SOX5: variants seen among roughly 807,000 people sequenced by gnomAD.
The protein encoded by SOX5 is transcription factor SOX-5.
In SOX5, 9 loss-of-function variants were observed where a neutral mutation model predicts 92.0. That is an observed-to-expected ratio of 0.10 (90% confidence interval 0.06 to 0.17). SOX5 has a LOEUF of 0.17. SOX5 is among the 10% of genes least tolerant of loss of function. The pLI, the probability that SOX5 is intolerant of heterozygous loss-of-function variation, is 1.00. For missense variants in SOX5, 642 were observed against 944.5 expected (o/e 0.68, Z 4.20); for synonymous variants, 344 against 336.3 (o/e 1.02, Z -0.25).
intron 4 of SOX5, among the ~76,000 whole-genome samples, chr12:24,054,005 T>A (rs1442093595): frequency 6.6e-6 from 1 of 152,220 alleles, no homozygotes; most frequent in Non-Finnish European, 1.5e-5. Context: ...CTCTGAGGCC[T>A]GTGTTCTTTC....
At chr12:23,759,147 A>C (rs1174813108) in intron 3 of SOX5, among the ~76,000 whole-genome samples, 1 of 151,902 alleles carries the variant, frequency 6.6e-6, no homozygotes. Flanking sequence ...GATGAAGTAA[A>C]AACTTGATAA....
intron 3 of SOX5, among the ~76,000 whole-genome samples, chr12:24,224,148 G>A (rs1055745332): frequency 3.9e-4 from 59 of 152,248 alleles, no homozygotes; most frequent in African/African-American, 1.4e-3. Context: ...GATTGAGCCC[G>A]GCAACCCAGG....
rs1303504998 is a variant in SOX5 at position 24,289,278 on chromosome 12, C to CT, written c.-173-11967dup. Among the ~76,000 whole-genome samples the CT allele has an allele frequency of 8.5e-5, 8 of 94,618 alleles. 1 individual carries two copies. The highest frequency in any genetic ancestry group is 6.7e-4 in the Admixed American group (6 of 9,002). The allele number at this position is 94,618 out of a possible 152,430, so 62.1% of individuals were successfully genotyped here. ...CCTGGGTGACACGGTGAGAACCTGT[C>CT]TCAAAAAAAAAACAAAAACAAAAAA... On this transcript the variant is annotated intron_variant, in intron 2 of 4. Coordinates refer to the SOX5 transcript ENST00000446891.
chr12:24,201,948 C>T (rs1472963586), intron 4 of SOX5, among the ~76,000 whole-genome samples: 2 of 152,190 alleles, frequency 1.3e-5, no homozygotes, highest in Admixed American at 1.3e-4. Flanking sequence ...TACCAGAATA[C>T]ACTTGGCTCT....
intron 3 of SOX5, among the ~76,000 whole-genome samples, chr12:24,251,808 G>A (rs1057066047): frequency 6.6e-6 from 1 of 151,996 alleles, no homozygotes; most frequent in Non-Finnish European, 1.5e-5. Context: ...CCAACCTCAG[G>A]TGATCTGCCC....
chr12:24,465,104 A>T (rs1045031082), intron 1 of SOX5, among the ~76,000 whole-genome samples: 22 of 152,222 alleles, frequency 1.4e-4, no homozygotes, highest in Admixed American at 6.5e-4. Context: ...TTTATCTCTC[A>T]TTTCATGTTA....
At chr12:24,390,669 G>A (rs1219515435) in intron 1 of SOX5, among the ~76,000 whole-genome samples, 1 of 152,050 alleles carries the variant, frequency 6.6e-6, no homozygotes. Context: ...AGAATATGTG[G>A]TATGTGACTT....
intron 2 of SOX5, among the ~76,000 whole-genome samples, chr12:24,358,422 T>C (rs1053548868): frequency 1.3e-5 from 2 of 152,172 alleles, no homozygotes; most frequent in Non-Finnish European, 2.9e-5. Context: ...TCCTTTCTCC[T>C]CTTTGTTTTG....
intron 1 of SOX5, among the ~76,000 whole-genome samples, chr12:24,452,716 A>G (rs986011958): frequency 6.6e-6 from 1 of 152,200 alleles, no homozygotes; most frequent in African/African-American, 2.4e-5. Context: ...AGAGAAAGGA[A>G]AAGAAGAATC....
intron 1 of SOX5, among the ~76,000 whole-genome samples, chr12:24,469,791 A>G (rs1282892274): frequency 6.6e-6 from 1 of 152,186 alleles, no homozygotes; most frequent in Non-Finnish European, 1.5e-5. Context: ...GCTGCATACC[A>G]AAAACCCTTT....
At chr12:23,994,733 GATAGGCTA>G (rs1569440008) in intron 4 of SOX5, among the ~76,000 whole-genome samples, 1 of 152,056 alleles carries the variant, frequency 6.6e-6, no homozygotes, top group African/African-American at 2.4e-5. Flanking sequence ...TATTTTTCCT[GATAGGCTA>G]ATATATCCAC....
chr12:23,979,893 CTGGCTGGCTGGCTGG>C (rs1407792297), intron 4 of SOX5, among the ~76,000 whole-genome samples: 5 of 138,284 alleles, frequency 3.6e-5, no homozygotes, highest in Admixed American at 2.2e-4. Context: ...GGCTGGCTGG[CTGGCTGGCTGGCTGG>C]CTGGCCAGAC....
intron 2 of SOX5, among the ~76,000 whole-genome samples, chr12:24,347,805 G>A (rs1215629148): frequency 6.6e-6 from 1 of 152,092 alleles, no homozygotes; most frequent in Non-Finnish European, 1.5e-5. Flanking sequence ...GTGCTAGACA[G>A]GTTTTAGCAA....
intron 1 of SOX5, among the ~76,000 whole-genome samples, chr12:24,538,668 T>G (rs1335756341): frequency 6.6e-6 from 1 of 151,780 alleles, no homozygotes; most frequent in Non-Finnish European, 1.5e-5. Flanking sequence ...CTCTAATATT[T>G]TTTTCTTCCA....
chr12:24,203,508 C>G (rs1957736185), intron 4 of SOX5, among the ~76,000 whole-genome samples: 2 of 152,196 alleles, frequency 1.3e-5, no homozygotes, highest in Admixed American at 6.5e-5. Context: ...CACGCATATA[C>G]TCCCATTTCA....
At chr12:23,604,259 A>G (rs1343325728) in intron 9 of SOX5, 128 bp downstream of exon 9, 2 of 867,282 alleles carry the variant, frequency 2.3e-6, no homozygotes, top group Non-Finnish European at 3.7e-6. Context: ...TGTTGCCCTT[A>G]CTTGATTCTT....
At chr12:23,618,493 T>C (rs917727571) in intron 8 of SOX5, among the ~76,000 whole-genome samples, 4 of 152,126 alleles carry the variant, frequency 2.6e-5, no homozygotes, top group African/African-American at 9.7e-5. Flanking sequence ...AGACTACATA[T>C]TATTTTGCAT....
At chr12:24,301,976 T>G (rs1228307426) in intron 2 of SOX5, among the ~76,000 whole-genome samples, 1 of 152,084 alleles carries the variant, frequency 6.6e-6, no homozygotes, top group African/African-American at 2.4e-5. Context: ...ATTATTTATG[T>G]TCACATATAT....
chr12:23,718,665 T>C (rs977913445), intron 6 of SOX5, among the ~76,000 whole-genome samples: 7 of 152,346 alleles, frequency 4.6e-5, no homozygotes, highest in Admixed American at 1.3e-4. Flanking sequence ...TCAAAAACCT[T>C]ATAAAACAAC....
Sources: gnomAD v4.1 joint callset for allele counts (sites outside exome capture counted in the v4.1 genomes callset) on GRCh38, gnomAD v4.1.1 for gene constraint, MANE v1.5 for transcripts, NCBI Gene and HGNC (gene_info 2026-07-23, HGNC 2026-07-21) for gene names.